Variants in CRPPA observed in about 807,000 individuals in gnomAD.
The protein encoded by CRPPA is D-ribitol-5-phosphate cytidylyltransferase.
In CRPPA, 43 loss-of-function variants were observed where a neutral mutation model predicts 52.0. That is an observed-to-expected ratio of 0.83 (90% CI 0.65 to 1.07). CRPPA has a LOEUF of 1.07. Ranked by LOEUF, CRPPA falls within the 50% of genes least tolerant of loss-of-function variation. The probability of loss-of-function intolerance (pLI) is 0.00; values close to 1 mark genes in which losing one functional copy is unlikely to be tolerated. For missense variants in CRPPA, 629 were observed against 551.7 expected, an observed-to-expected ratio of 1.14 and a Z score of -1.40; for synonymous variants, 250 against 203.5, an observed-to-expected ratio of 1.23 and a Z score of -1.94.
intron 9 of CRPPA, among the ~76,000 whole-genome samples, chr7:16,124,526 T>C (rs1165429232): frequency 1.3e-5 from 2 of 152,182 alleles, no homozygotes; most frequent in South Asian, 2.1e-4. Context: ...AAGCTAAATA[T>C]GTTGATTTCA....
chr7:16,231,166 T>C (rs1205466992), intron 8 of CRPPA, among the ~76,000 whole-genome samples: 2 of 152,168 alleles, frequency 1.3e-5, no homozygotes, highest in East Asian at 3.9e-4. Flanking sequence ...CTCTTCCCTA[T>C]TCCATGCTGC....
chr7:16,115,437 A>T (rs915137234), intron 9 of CRPPA, among the ~76,000 whole-genome samples: 25 of 152,310 alleles, frequency 1.6e-4, no homozygotes, highest in Admixed American at 7.2e-4. Context: ...TAAATTACAT[A>T]CGAATACACT....
intron 5 of CRPPA, among the ~76,000 whole-genome samples, chr7:16,297,690 C>T (rs1479310563): frequency 6.6e-6 from 1 of 152,120 alleles, no homozygotes; most frequent in Non-Finnish European, 1.5e-5. Context: ...AAAATCAGTC[C>T]TGAACTTGAA....
chr7:16,310,400 C>G (rs547061001), intron 3 of CRPPA, among the ~76,000 whole-genome samples: 10 of 152,266 alleles, frequency 6.6e-5, no homozygotes, highest in African/African-American at 2.4e-4. Context: ...CAAGTCTAAC[C>G]AGTCCCCAGC....
intron 9 of CRPPA, among the ~76,000 whole-genome samples, chr7:16,142,711 C>T (rs575264173): frequency 5.9e-5 from 9 of 152,168 alleles, no homozygotes; most frequent in African/African-American, 1.7e-4. Context: ...ATAATTCTCC[C>T]CATGAGAATA....
At chr7:16,234,822 C>T (rs1260241157) in intron 8 of CRPPA, among the ~76,000 whole-genome samples, 1 of 151,902 alleles carries the variant, frequency 6.6e-6, no homozygotes, top group African/African-American at 2.4e-5. Flanking sequence ...GGAAGGATTG[C>T]AAGAGGAAAT....
intron 8 of CRPPA, among the ~76,000 whole-genome samples, chr7:16,257,606 T>C (rs766691878): frequency 3.3e-5 from 5 of 152,128 alleles, no homozygotes; most frequent in Non-Finnish European, 7.4e-5. Flanking sequence ...TTATTCTTTA[T>C]TACTAATCCT....
chr7:16,361,044 A>C (rs915420776), intron 3 of CRPPA, among the ~76,000 whole-genome samples: 3 of 152,188 alleles, frequency 2.0e-5, no homozygotes, highest in African/African-American at 7.2e-5. Flanking sequence ...TTTAAAAGGA[A>C]AAAGGAATTG....
At chr7:16,225,175 T>C (rs923767354) in intron 8 of CRPPA, among the ~76,000 whole-genome samples, 4 of 152,024 alleles carry the variant, frequency 2.6e-5, no homozygotes, top group Admixed American at 6.6e-5. Flanking sequence ...AGTACAAATG[T>C]TACATAAGTA....
intron 9 of CRPPA, among the ~76,000 whole-genome samples, chr7:16,098,208 C>G (rs1583353028): frequency 1.3e-5 from 2 of 152,272 alleles, no homozygotes; most frequent in South Asian, 2.1e-4. Context: ...TCCTCTAAAT[C>G]TTTATGGACA....
chr7:16,257,094 C>A (rs1783663585), intron 8 of CRPPA, among the ~76,000 whole-genome samples: 1 of 152,066 alleles, frequency 6.6e-6, no homozygotes, highest in Non-Finnish European at 1.5e-5. Flanking sequence ...CATTCATTCA[C>A]TTTCATCCTT....
intron 9 of CRPPA, among the ~76,000 whole-genome samples, chr7:16,136,277 G>T (rs1209805079): frequency 1.3e-5 from 2 of 152,082 alleles, no homozygotes; most frequent in East Asian, 1.9e-4. Flanking sequence ...TTTAAATGTA[G>T]ATCTGAACTA....
chr7:16,295,676 G>A (rs924801050), intron 5 of CRPPA, among the ~76,000 whole-genome samples: 1 of 152,060 alleles, frequency 6.6e-6, no homozygotes, highest in African/African-American at 2.4e-5. Flanking sequence ...CCAGGATATG[G>A]TCAGCATACT....
At chr7:16,361,282 C>T (rs1226140455) in intron 3 of CRPPA, among the ~76,000 whole-genome samples, 1 of 152,080 alleles carries the variant, frequency 6.6e-6, no homozygotes, top group Non-Finnish European at 1.5e-5. Flanking sequence ...ATGGTACAGC[C>T]ACTATGGAAA....
intron 4 of CRPPA, among the ~76,000 whole-genome samples, chr7:16,305,016 C>T (rs983323904): frequency 6.6e-6 from 1 of 152,106 alleles, no homozygotes; most frequent in African/African-American, 2.4e-5. Flanking sequence ...TAAAAGGCAG[C>T]ATCTTTGGAG....
intron 1 of CRPPA, among the ~76,000 whole-genome samples, chr7:16,409,524 G>A (rs1009870641): frequency 2.0e-5 from 3 of 152,192 alleles, no homozygotes; most frequent in African/African-American, 7.2e-5. Context: ...GGTACCAGGT[G>A]GAGCTTGTAT....
chr7:16,336,933 C>T (rs892884126), intron 3 of CRPPA, among the ~76,000 whole-genome samples: 2 of 151,990 alleles, frequency 1.3e-5, no homozygotes, highest in Non-Finnish European at 1.5e-5. Flanking sequence ...AGCAAGACCA[C>T]ATAAAATTCA....
chr7:16,242,099 C>T (rs1368895306), intron 8 of CRPPA, among the ~76,000 whole-genome samples: 1 of 151,250 alleles, frequency 6.6e-6, no homozygotes, highest in Non-Finnish European at 1.5e-5. Flanking sequence ...GAACTACAGG[C>T]ACCCGCCACC....
chr7:16,227,151 G>C (rs1292454735), intron 8 of CRPPA, among the ~76,000 whole-genome samples: 1 of 151,860 alleles, frequency 6.6e-6, no homozygotes, highest in Non-Finnish European at 1.5e-5. Context: ...TGGACACTTA[G>C]GTTGATTCCA....
Sources: allele counts gnomAD v4.1 joint callset (sites outside exome capture counted in the v4.1 genomes callset), GRCh38; gene constraint gnomAD v4.1.1; transcripts MANE v1.5; gene names NCBI Gene and HGNC (gene_info 2026-07-23, HGNC 2026-07-21).